FBXO9: variants seen among roughly 807,000 people sequenced by gnomAD.
FBXO9 encodes F-box protein 9.
Under a neutral mutation model 63.7 loss-of-function variants are expected in FBXO9, and 43 were observed. The observed-to-expected ratio is 0.67, with a 90% CI of 0.53 to 0.87. The LOEUF (loss-of-function observed/expected upper bound fraction) is 0.87, where lower values mean the gene tolerates loss of function less well. Among genes scored for constraint, FBXO9 ranks in the 40% least tolerant of loss-of-function variants. The pLI, the probability that FBXO9 is intolerant of heterozygous loss-of-function variation, is 0.00. For missense variants in FBXO9, 442 were observed against 533.2 expected (o/e 0.83, Z 1.68); for synonymous variants, 156 against 171.7 (o/e 0.91, Z 0.72).
At position 53,095,548 on chromosome 6, in the gene FBXO9, T is replaced by C. The variant is rs750588148; in HGVS notation, c.1089T>C (p.Arg363=). ...ACTATAAATACAGATATTTTCGTCG[T>C]GTCCCTGTACAAGAAGCAGATCAGA... is the stretch of plus-strand genomic sequence containing the variant. The part of the protein sequence containing the change: ...PLDYKYRYFR[R]VPVQEADQSF... Residue 363 remains arginine (R), a synonymous_variant, in exon 12 of 13, where the codon CGT becomes CGC. Coordinates refer to ENST00000323557, the MANE Select transcript of FBXO9 (RefSeq NM_033480.3). 2.5e-6 allele frequency: 4 copies of C among 1,613,102 alleles called. No individual in the cohort carries two copies. The South Asian group carries it at 4.4e-5, about 18-fold the overall frequency.
intron 10 of FBXO9, 118 bp from the exon 11 acceptor site, chr6:53,093,767 C>T: frequency 1.1e-6 from 1 of 928,252 alleles, no homozygotes; most frequent in Non-Finnish European, 1.6e-6. Context: ...TTGAGTTTTA[C>T]TCAATCCTAG....
At chr6:53,094,644 A>C (rs991624452) in intron 11 of FBXO9, 1 of 252,690 alleles carries the variant, frequency 4.0e-6, no homozygotes, top group Non-Finnish European at 8.3e-6. Flanking sequence ...CTTTTGAAGG[A>C]TATTTCTCTT....
chr6:53,077,037 A>G (rs1443968560), intron 4 of FBXO9, among the ~76,000 whole-genome samples: 1 of 152,212 alleles, frequency 6.6e-6, no homozygotes, highest in Non-Finnish European at 1.5e-5. Flanking sequence ...TTCTTCATTA[A>G]TAAAGTATTT....
intron 7 of FBXO9, chr6:53,092,135 A>T (rs1365830643): frequency 3.4e-6 from 1 of 291,972 alleles, no homozygotes; most frequent in East Asian, 8.2e-5. Flanking sequence ...TCACCTTCCC[A>T]GAGAGGCATT....
intron 7 of FBXO9, among the ~76,000 whole-genome samples, chr6:53,083,800 T>G (rs1268955851): frequency 6.6e-6 from 1 of 152,220 alleles, no homozygotes; most frequent in Non-Finnish European, 1.5e-5. Context: ...TTTTAACAAC[T>G]TTCACATTTT....
intron 11 of FBXO9, 118 bp from the exon 12 acceptor site, chr6:53,095,395 C>T (rs1022692627): frequency 1.1e-5 from 10 of 916,726 alleles, no homozygotes; most frequent in Admixed American, 3.5e-5. Flanking sequence ...ATAGTCAAAA[C>T]GACTCTTTAC....
chr6:53,067,013 C>T (rs550090678), intron 1 of FBXO9, among the ~76,000 whole-genome samples: 8 of 152,340 alleles, frequency 5.3e-5, no homozygotes, highest in African/African-American at 1.9e-4. Context: ...GTCTATATTA[C>T]ACTTCTCCCA....
At chr6:53,065,883 A>T (rs553162871) in intron 1 of FBXO9, 91 bp downstream of exon 1, 14 of 1,238,672 alleles carry the variant, frequency 1.1e-5, no homozygotes, top group Admixed American at 4.2e-5. Context: ...GTCGGCGGGG[A>T]CTCTGGGGAG....
chr6:53,085,089 A>G (rs138088110), intron 7 of FBXO9, among the ~76,000 whole-genome samples: 100 of 152,330 alleles, frequency 6.6e-4, no homozygotes, highest in African/African-American at 2.3e-3. Flanking sequence ...TAAAAATAAT[A>G]TGAATAGTTT....
chr6:53,066,507 A>G (rs1336060527), intron 1 of FBXO9, among the ~76,000 whole-genome samples: 1 of 152,268 alleles, frequency 6.6e-6, no homozygotes, highest in Non-Finnish European at 1.5e-5. Flanking sequence ...CATCTGAGAA[A>G]CTAATCTCTG....
At chr6:53,078,756 A>G (rs1476169088) in intron 4 of FBXO9, 43 bp from the exon 5 acceptor site, 1 of 1,451,642 alleles carries the variant, frequency 6.9e-7, no homozygotes, top group Non-Finnish European at 9.7e-7. Context: ...GAAATGACAA[A>G]AATGTGTGGT....
At chr6:53,097,306 A>G (rs1401607631) in intron 12 of FBXO9, among the ~76,000 whole-genome samples, 1 of 152,222 alleles carries the variant, frequency 6.6e-6, no homozygotes, top group African/African-American at 2.4e-5. Context: ...AAGGACATCA[A>G]AATCACATAA....
intron 6 of FBXO9, among the ~76,000 whole-genome samples, chr6:53,081,530 C>G (rs1769313210): frequency 6.6e-6 from 1 of 152,218 alleles, no homozygotes; most frequent in Non-Finnish European, 1.5e-5. Context: ...CTTGGCCTCC[C>G]AAAGTGCTGG....
In FBXO9 at chr6:53,097,926, G is replaced by GTGTATATATA. The variant is rs1295147641; in HGVS notation, c.*97_*98insGTATATATAT. 2 of 88,300 alleles carry GTGTATATATA rather than the reference G, an allele frequency of 2.3e-5. No individual in the cohort carries two copies. Among genetic ancestry groups the GTGTATATATA allele is most frequent in the South Asian group, 3.5e-4 (1 of 2,896 alleles). 5.5% of individuals were successfully genotyped at this position (88,300 alleles called of 1,614,324 possible). A position where few individuals can be genotyped will look rare whatever the true frequency, so the allele number is the denominator to read the frequency against. ...TAAATGTGTGTGTGTGCGTGTGTGT[G>GTGTATATATA]TATATATATATATATATATATATAT... is the stretch of plus-strand genomic sequence containing the variant. On this transcript the variant is annotated 3_prime_UTR_variant, in exon 13 of 13. Transcript: ENST00000323557.
rs375392136 is a variant in FBXO9, at chr6:53,092,738, G to T, written c.777G>T (p.Val259=). The change falls in exon 9 of 13, where the codon GTG becomes GTT. Residue 259 remains valine, a synonymous_variant. Transcript: ENST00000323557. ...TTTTTAAAATTATTTTCATAGGCGT[G>T]TATATCAGTAAAACCACATATATTC... is the stretch of plus-strand genomic sequence containing the variant. The part of the protein sequence containing the change: ...LERPRVRFDG[V]YISKTTYIRQ... The T allele has an allele frequency of 1.2e-6, 2 of 1,605,802 alleles. No homozygotes were observed. Among genetic ancestry groups the T allele is most frequent in the Non-Finnish European group, 1.7e-6 (2 of 1,174,120 alleles).
chr6:53,092,172 C>T, intron 7 of FBXO9: 1 of 362,660 alleles, frequency 2.8e-6, no homozygotes, highest in Non-Finnish European at 5.0e-6. Context: ...TCCTCACCAC[C>T]ATCATTTCTG....
rs1763124396 is a variant in FBXO9, at chr6:53,093,898, C to T, written c.973C>T (p.Leu325=). 1 of 1,543,326 alleles carries T rather than the reference C, an allele frequency of 6.5e-7. No homozygotes were observed. The highest frequency in any genetic ancestry group is 2.4e-5 in the East Asian group (1 of 41,044). ...TTTTTTTTTAAGGACTGATGCAATTCTACTGGGTCACTATCGCTTGTCACA... is the reference window on the plus strand; with the variant it reads ...TTTTTTTTTAAGGACTGATGCAATTTTACTGGGTCACTATCGCTTGTCACA... The part of the protein sequence containing the change: ...RTRNTRTDAI[L]LGHYRLSQDT... Residue 325 remains leucine (L), a synonymous_variant, in exon 11 of 13, where the codon CTA becomes TTA. Coordinates refer to ENST00000323557, the MANE Select transcript of FBXO9 (RefSeq NM_033480.3).
chr6:53,068,727 A>G (rs1768804530), intron 1 of FBXO9, among the ~76,000 whole-genome samples: 1 of 146,710 alleles, frequency 6.8e-6, no homozygotes, highest in Non-Finnish European at 1.5e-5. Flanking sequence ...GTCTCGGCTC[A>G]CTGCAACCTG....
At chr6:53,073,400 A>G (rs1202179041) in intron 2 of FBXO9, 81 bp from the exon 3 acceptor site, 4 of 1,105,076 alleles carry the variant, frequency 3.6e-6, no homozygotes, top group Middle Eastern at 2.0e-4. Flanking sequence ...GGAAGTAGAT[A>G]GATGTTGGAC....
Sources: allele counts gnomAD v4.1 joint callset (sites outside exome capture counted in the v4.1 genomes callset), GRCh38; gene constraint gnomAD v4.1.1; transcripts MANE v1.5; gene names NCBI Gene and HGNC (gene_info 2026-07-23, HGNC 2026-07-21).